Variants in DLGAP2 observed in about 807,000 individuals in gnomAD.
The protein encoded by DLGAP2 is DLG associated protein 2, also known as disks large-associated protein 2.
DLGAP2 carries 26 observed loss-of-function variants against 100.3 expected under a neutral mutation model. The ratio of observed to expected loss-of-function variants is 0.26; its 90% CI spans 0.19 to 0.36. The LOEUF (loss-of-function observed/expected upper bound fraction) is 0.36, where lower values mean the gene tolerates loss of function less well. DLGAP2 is among the 10% of genes least tolerant of loss of function. The pLI is 1.00. For missense variants in DLGAP2, 1,858 were observed against 1,453.2 expected (o/e 1.28, Z -4.53); for synonymous variants, 886 against 630.1 (o/e 1.41, Z -6.08).
At chr8:1,409,112 C>G (rs549341417) in intron 3 of DLGAP2, among the ~76,000 whole-genome samples, 1 of 151,656 alleles carries the variant, frequency 6.6e-6, no homozygotes, top group African/African-American at 2.4e-5. Flanking sequence ...TGCCCAGTTC[C>G]TTGCTCACCA....
At chr8:843,855 T>C (rs558160430) in intron 1 of DLGAP2, among the ~76,000 whole-genome samples, 1 of 152,336 alleles carries the variant, frequency 6.6e-6, no homozygotes, top group African/African-American at 2.4e-5. Flanking sequence ...GGGTATTAAG[T>C]TGTCAATAAG....
chr8:1,322,441 C>A (rs1038478316), intron 3 of DLGAP2, among the ~76,000 whole-genome samples: 12 of 152,064 alleles, frequency 7.9e-5, no homozygotes, highest in Non-Finnish European at 1.5e-5. Context: ...TGACTTCACG[C>A]GTGTGGATCC....
chr8:1,619,154 G>A (rs907592115), intron 6 of DLGAP2, among the ~76,000 whole-genome samples: 43 of 152,272 alleles, frequency 2.8e-4, no homozygotes, highest in Middle Eastern at 3.4e-3. Context: ...AAACAAGAAC[G>A]TAAAGACAAC....
chr8:1,263,530 C>T (rs565346352), intron 3 of DLGAP2, among the ~76,000 whole-genome samples: 24 of 152,286 alleles, frequency 1.6e-4, no homozygotes, highest in East Asian at 5.8e-4. Flanking sequence ...GGAAAGTTTT[C>T]GTGCAGTTAG....
intron 1 of DLGAP2, among the ~76,000 whole-genome samples, chr8:907,599 C>T (rs1160626403): frequency 6.6e-6 from 1 of 152,118 alleles, no homozygotes; most frequent in Non-Finnish European, 1.5e-5. Flanking sequence ...GTCCATTTAC[C>T]TTATTGTGGG....
intron 3 of DLGAP2, among the ~76,000 whole-genome samples, chr8:1,469,009 G>A (rs895682896): frequency 6.6e-6 from 1 of 152,162 alleles, no homozygotes; most frequent in Non-Finnish European, 1.5e-5. Flanking sequence ...CAAAGACCAA[G>A]GTCAGAGTCA....
chr8:1,381,787 G>GTGTC (rs1248778129), intron 3 of DLGAP2, among the ~76,000 whole-genome samples: 23 of 97,516 alleles, frequency 2.4e-4, no homozygotes, highest in African/African-American at 1.1e-3. Context: ...ATTCTAGTGT[G>GTGTC]TGTGTGTGTG....
At chr8:1,507,569 G>T (rs1271239047) in intron 4 of DLGAP2, among the ~76,000 whole-genome samples, 5 of 152,154 alleles carry the variant, frequency 3.3e-5, no homozygotes, top group Non-Finnish European at 7.4e-5. Context: ...CCAGGGCAGT[G>T]GCTGGCTGAA....
intron 1 of DLGAP2, among the ~76,000 whole-genome samples, chr8:907,527 G>T (rs1754673941): frequency 6.6e-6 from 1 of 152,288 alleles, no homozygotes; most frequent in Non-Finnish European, 1.5e-5. Flanking sequence ...TGTTCCAACA[G>T]CCCTCCATTT....
At chr8:1,023,873 G>GTGTGTGTGTGTGTGTA (rs1221942759) in intron 2 of DLGAP2, among the ~76,000 whole-genome samples, 1 of 150,532 alleles carries the variant, frequency 6.6e-6, no homozygotes, top group Non-Finnish European at 1.5e-5. Flanking sequence ...GTGTGTGTGT[G>GTGTGTGTGTGTGTGTA]TGTGTGTGTG....
intron 3 of DLGAP2, among the ~76,000 whole-genome samples, chr8:1,263,026 A>G (rs563994883): frequency 9.2e-5 from 14 of 152,188 alleles, no homozygotes; most frequent in Admixed American, 2.0e-4. Flanking sequence ...GTGACGTATT[A>G]ACAGTGTCTT....
At position 784,813 on chromosome 8, in the gene DLGAP2, G is replaced by T. The variant is rs539265537; in HGVS notation, c.18+46988G>T. On this transcript the variant is annotated intron_variant, in intron 1 of 14. Transcript: ENST00000637795. ...CCAGTGTCATAATTAACATGGGAAA[G>T]GTACAATAAGCCGCATCTTTATAGT... Among the ~76,000 whole-genome samples, 7 of 152,292 alleles carry T rather than the reference G, an allele frequency of 4.6e-5. No individual in the cohort carries two copies. In the East Asian group the frequency reaches 1.3e-3, roughly 29 times the overall value.
intron 3 of DLGAP2, among the ~76,000 whole-genome samples, chr8:1,336,046 C>T (rs1015143072): frequency 2.0e-5 from 3 of 152,240 alleles, no homozygotes; most frequent in South Asian, 2.1e-4. Context: ...CGGTGCTGGG[C>T]GTTCAGCCCG....
In DLGAP2 at chr8:1,501,408, C is replaced by CGG. The variant is rs1323286164; in HGVS notation, c.152_153dup (p.Pro52GlyfsTer7). 1 of 1,535,766 alleles carries CGG rather than the reference C, an allele frequency of 6.5e-7. No individual in the cohort carries two copies. The highest frequency in any genetic ancestry group is 8.7e-7 in the Non-Finnish European group (1 of 1,146,724). On this transcript the variant is annotated frameshift_variant, in exon 4 of 15. Transcript: ENST00000637795. LOFTEE classifies it high-confidence loss of function. ...TTGGTCCAGCCGGGCATCAGCTTTC[C>CGG]GGGGCCGGCAGAGGAGGATCTAGGT...
At chr8:880,927 C>T (rs776605263) in intron 1 of DLGAP2, among the ~76,000 whole-genome samples, 2 of 152,238 alleles carry the variant, frequency 1.3e-5, no homozygotes, top group African/African-American at 4.8e-5. Flanking sequence ...TAATTTATAA[C>T]TAGTCGTATC....
rs527946771 is a variant in DLGAP2 at position 1,230,182 on chromosome 8, CA to C, written c.74-28667del. 5.8e-3 allele frequency among the ~76,000 whole-genome samples: 885 copies of C among 152,284 alleles called. 5 individuals are homozygous for C. Among genetic ancestry groups the C allele is most frequent in the Middle Eastern group, 0.01 (3 of 294 alleles). On this transcript the variant is annotated intron_variant, in intron 2 of 14. Coordinates refer to ENST00000637795, the MANE Select transcript of DLGAP2 (RefSeq NM_001346810.2). ...TCAGTAAAATTTCAGCATACAAAAT[CA>C]ATGTACAAAAATCAGTAGCATTTCT...
At chr8:1,674,566 G>A (rs1164252472) in intron 10 of DLGAP2, among the ~76,000 whole-genome samples, 1 of 152,162 alleles carries the variant, frequency 6.6e-6, no homozygotes, top group Non-Finnish European at 1.5e-5. Flanking sequence ...ACATTTTTAT[G>A]ATAAAAACGA....
At chr8:749,988 G>C (rs1402626292) in intron 1 of DLGAP2, among the ~76,000 whole-genome samples, 2 of 152,146 alleles carry the variant, frequency 1.3e-5, no homozygotes, top group African/African-American at 2.4e-5. Flanking sequence ...ATCCATCTCA[G>C]ATCTCTCAAG....
At chr8:1,348,628 A>T (rs895479190) in intron 3 of DLGAP2, among the ~76,000 whole-genome samples, 1 of 152,140 alleles carries the variant, frequency 6.6e-6, no homozygotes, top group Admixed American at 6.5e-5. Context: ...GTGGAGGTTG[A>T]GTTCCCACAC....
Sources: allele counts gnomAD v4.1 joint callset (sites outside exome capture counted in the v4.1 genomes callset), GRCh38; gene constraint gnomAD v4.1.1; transcripts MANE v1.5; gene names NCBI Gene and HGNC (gene_info 2026-07-23, HGNC 2026-07-21).